The following GPC6 variants were observed in gnomAD, a reference collection of about 807,000 sequenced individuals.
GPC6 encodes the protein glypican 6.
GPC6 carries 14 observed loss-of-function variants against 55.2 expected under a neutral mutation model. The observed-to-expected ratio is 0.25, with a 90% confidence interval of 0.17 to 0.40. The LOEUF (loss-of-function observed/expected upper bound fraction) is 0.40. Ranked by LOEUF, GPC6 falls within the 10% of genes least tolerant of loss-of-function variation. The pLI, the probability that GPC6 is intolerant of heterozygous loss-of-function variation, is 1.00. For synonymous variants in GPC6, 278 were observed against 259.6 expected (o/e 1.07, Z -0.68); for missense variants, 641 against 708.5 (o/e 0.90, Z 1.08).
At chr13:94,241,077 G>A (rs906874032) in intron 4 of GPC6, among the ~76,000 whole-genome samples, 2 of 152,124 alleles carry the variant, frequency 1.3e-5, no homozygotes, top group Non-Finnish European at 2.9e-5. Flanking sequence ...TTTAGATGTG[G>A]TCATGAGGAT....
At chr13:93,374,364 CAT>C (rs1055378936) in intron 1 of GPC6, among the ~76,000 whole-genome samples, 14 of 152,238 alleles carry the variant, frequency 9.2e-5, no homozygotes, top group Non-Finnish European at 1.5e-4. Context: ...CACAGGCCCC[CAT>C]CTTTGCCGCA....
At chr13:93,306,485 T>TA (rs59971455) in intron 1 of GPC6, among the ~76,000 whole-genome samples, 205 of 150,416 alleles carry the variant, frequency 1.4e-3, no homozygotes, top group African/African-American at 4.5e-3. Context: ...TCTATTTTCC[T>TA]AAAAAAAAAG....
chr13:93,903,908 T>C (rs778253163), intron 3 of GPC6, among the ~76,000 whole-genome samples: 1 of 152,016 alleles, frequency 6.6e-6, no homozygotes, highest in Non-Finnish European at 1.5e-5. Flanking sequence ...TGTCTTTCCC[T>C]GTGTGTAGTA....
In GPC6 at chr13:93,529,510, CTTTTTTTTTTT is replaced by C. The variant is rs1165594323; in HGVS notation, c.161-15740_161-15730del. Among the ~76,000 whole-genome samples, 23 of 85,196 alleles carry C rather than the reference CTTTTTTTTTTT, an allele frequency of 2.7e-4. 1 individual carries two copies. Among genetic ancestry groups the C allele is most frequent in the African/African-American group, 7.9e-4 (16 of 20,154 alleles). The allele number at this position is 85,196 out of a possible 152,430, so 55.9% of individuals were successfully genotyped here. On this transcript the variant is annotated intron_variant, in intron 1 of 8. Coordinates refer to ENST00000377047, the MANE Select transcript of GPC6 (RefSeq NM_005708.5). Reference sequence around the variant, plus strand: ...TCCTTCCATAGTGGACTCTGAGATTCTTTTTTTTTTTTTTTTTTTTTTTGAGATGGAGTCTC... The same window carrying C: ...TCCTTCCATAGTGGACTCTGAGATTCTTTTTTTTTTTTGAGATGGAGTCTC...
At chr13:93,799,968 A>T (rs570953161) in intron 2 of GPC6, among the ~76,000 whole-genome samples, 2 of 152,248 alleles carry the variant, frequency 1.3e-5, no homozygotes, top group Admixed American at 6.5e-5. Context: ...GGTTGTGGGT[A>T]CTCAGTGAAC....
chr13:94,047,883 C>T (rs1883786495), intron 4 of GPC6, among the ~76,000 whole-genome samples: 2 of 152,122 alleles, frequency 1.3e-5, no homozygotes, highest in African/African-American at 4.8e-5. Context: ...CAGCATCTGA[C>T]TCCAGATTCG....
chr13:93,703,150 G>T (rs1258902537), intron 2 of GPC6, among the ~76,000 whole-genome samples: 3 of 151,754 alleles, frequency 2.0e-5, no homozygotes, highest in African/African-American at 7.3e-5. Flanking sequence ...GCCATTGTAG[G>T]GTTATTAATT....
intron 1 of GPC6, among the ~76,000 whole-genome samples, chr13:93,465,610 A>C (rs369667603): frequency 1.3e-5 from 2 of 152,218 alleles, no homozygotes; most frequent in East Asian, 3.9e-4. Context: ...GCTTATGAGA[A>C]TGTTGTGGCT....
intron 4 of GPC6, among the ~76,000 whole-genome samples, chr13:94,153,856 G>A (rs1475612380): frequency 6.6e-6 from 1 of 152,188 alleles, no homozygotes; most frequent in African/African-American, 2.4e-5. Flanking sequence ...CAATAAATCT[G>A]AGAAGCACTA....
chr13:93,877,338 T>C (rs993991158), intron 3 of GPC6, among the ~76,000 whole-genome samples: 1 of 152,000 alleles, frequency 6.6e-6, no homozygotes, highest in Non-Finnish European at 1.5e-5. Context: ...AGAACATAGG[T>C]TGTTATCCAT....
intron 4 of GPC6, among the ~76,000 whole-genome samples, chr13:94,072,186 C>A (rs1025192973): frequency 1.2e-4 from 18 of 152,186 alleles, no homozygotes; most frequent in Non-Finnish European, 7.3e-5. Flanking sequence ...TGATAGTTTA[C>A]ATGTATCTAT....
At position 93,901,857 on chromosome 13, in the gene GPC6, C is replaced by T. The variant is rs1373315887; in HGVS notation, c.711+71312C>T. On this transcript the variant is annotated intron_variant, in intron 3 of 8. Transcript: ENST00000377047. Reference sequence around the variant, plus strand: ...TGGAGGTTGCAGTGAGCTGAGATCACGCCACTGCACTCCATCCTGGGCCAC... The same window carrying T: ...TGGAGGTTGCAGTGAGCTGAGATCATGCCACTGCACTCCATCCTGGGCCAC... Among the ~76,000 whole-genome samples the T allele has an allele frequency of 4.1e-5, 6 of 146,196 alleles. No homozygotes were observed. The South Asian group carries it at 6.5e-4, about 16-fold the overall frequency.
At chr13:93,296,088 T>G (rs1044345046) in intron 1 of GPC6, among the ~76,000 whole-genome samples, 2 of 152,152 alleles carry the variant, frequency 1.3e-5, no homozygotes, top group Non-Finnish European at 2.9e-5. Context: ...ACAGGGGGAT[T>G]TCAACATATG....
intron 5 of GPC6, among the ~76,000 whole-genome samples, chr13:94,298,601 C>G (rs558747415): frequency 9.8e-5 from 15 of 152,340 alleles, no homozygotes; most frequent in South Asian, 4.1e-4. Flanking sequence ...GGAAGCCAAT[C>G]TAACTATTTT....
At chr13:93,713,808 T>C (rs1883153866) in intron 2 of GPC6, among the ~76,000 whole-genome samples, 1 of 151,728 alleles carries the variant, frequency 6.6e-6, no homozygotes, top group Non-Finnish European at 1.5e-5. Context: ...ATTCTACATA[T>C]TTGGTAACGA....
Position 94,244,078 on chromosome 13 carries a change from A to G in GPC6, c.878-42271A>G, listed in dbSNP as rs1250668886. Among the ~76,000 whole-genome samples the G allele has an allele frequency of 4.6e-5, 7 of 152,290 alleles. No homozygotes were observed. In the East Asian group the frequency reaches 1.4e-3, roughly 29 times the overall value. On this transcript the variant is annotated intron_variant, in intron 4 of 8. Transcript: ENST00000377047. ...TAAATGTTTAAGGAACTACTTAGGT[A>G]ATTGTAGGTAACTTTACATGTTACT...
At chr13:93,923,514 T>C (rs1293417774) in intron 3 of GPC6, among the ~76,000 whole-genome samples, 1 of 152,096 alleles carries the variant, frequency 6.6e-6, no homozygotes, top group Non-Finnish European at 1.5e-5. Context: ...ACTACCATTC[T>C]AGGTACCTGT....
chr13:93,372,194 T>C (rs1249088150), intron 1 of GPC6, among the ~76,000 whole-genome samples: 1 of 149,956 alleles, frequency 6.7e-6, no homozygotes, highest in East Asian at 1.9e-4. Context: ...TAGACATTGC[T>C]TGCAAACAGG....
intron 2 of GPC6, among the ~76,000 whole-genome samples, chr13:93,691,861 A>T (rs946605820): frequency 1.1e-4 from 17 of 152,080 alleles, no homozygotes; most frequent in African/African-American, 4.1e-4. Flanking sequence ...TTTAGTGAGC[A>T]AAATAATCAT....
Sources: allele counts gnomAD v4.1 joint callset (sites outside exome capture counted in the v4.1 genomes callset), GRCh38; gene constraint gnomAD v4.1.1; transcripts MANE v1.5; gene names NCBI Gene and HGNC (gene_info 2026-07-23, HGNC 2026-07-21).